The following PPARGC1A variants were observed in gnomAD, a reference collection of about 807,000 sequenced individuals.
The protein encoded by PPARGC1A is peroxisome proliferator-activated receptor gamma coactivator 1-alpha.
PPARGC1A carries 25 observed loss-of-function variants against 88.7 expected under a neutral mutation model. The observed-to-expected ratio is 0.28, with a 90% CI of 0.21 to 0.39. The LOEUF is 0.39. Ranked by LOEUF, PPARGC1A falls within the 10% of genes least tolerant of loss-of-function variation. The probability of loss-of-function intolerance (pLI) is 1.00; values close to 1 mark genes in which losing one functional copy is unlikely to be tolerated. For synonymous variants in PPARGC1A, 363 were observed against 355.6 expected, an observed-to-expected ratio of 1.02 and a Z score of -0.24; for missense variants, 880 against 968.7, an observed-to-expected ratio of 0.91 and a Z score of 1.22.
At chr4:24,270,274 A>T in the PPARGC1A span, among the ~76,000 whole-genome samples, 1 of 151,076 alleles carries the variant, frequency 6.6e-6, no homozygotes, top group Admixed American at 6.6e-5. Flanking sequence ...AGCCTTGACA[A>T]TCACATAAGT....
chr4:23,879,462 A>G (rs1454371220), intron 2 of PPARGC1A, among the ~76,000 whole-genome samples: 1 of 152,218 alleles, frequency 6.6e-6, no homozygotes, highest in African/African-American at 2.4e-5. Flanking sequence ...CCTAAAGGTG[A>G]GCAGAAACTT....
At chr4:23,833,879 C>T (rs1218755533) in intron 2 of PPARGC1A, among the ~76,000 whole-genome samples, 1 of 152,184 alleles carries the variant, frequency 6.6e-6, no homozygotes, top group African/African-American at 2.4e-5. Flanking sequence ...AACTTTAATG[C>T]ACTTGCAGGG....
the PPARGC1A span, among the ~76,000 whole-genome samples, chr4:24,443,483 G>A: frequency 2.0e-5 from 3 of 152,138 alleles, no homozygotes; most frequent in Admixed American, 1.3e-4. Flanking sequence ...GGTCATGGAG[G>A]CTGTGCAGAG....
At chr4:24,324,292 A>G in the PPARGC1A span, among the ~76,000 whole-genome samples, 2 of 151,550 alleles carry the variant, frequency 1.3e-5, no homozygotes, top group Non-Finnish European at 2.9e-5. Flanking sequence ...CTTCACCCTT[A>G]GCGGCAAGTC....
chr4:23,868,548 T>A (rs2148752355), intron 2 of PPARGC1A, among the ~76,000 whole-genome samples: 1 of 152,146 alleles, frequency 6.6e-6, no homozygotes, highest in East Asian at 1.9e-4. Flanking sequence ...GGTGATGAGG[T>A]CCCTCTTTCC....
At chr4:24,237,718 C>T in the PPARGC1A span, among the ~76,000 whole-genome samples, 3 of 152,184 alleles carry the variant, frequency 2.0e-5, no homozygotes, top group African/African-American at 7.2e-5. Flanking sequence ...TTCAGAAATA[C>T]TGAGGGGGCT....
the PPARGC1A span, among the ~76,000 whole-genome samples, chr4:23,951,059 G>T: frequency 1.3e-5 from 2 of 152,040 alleles, no homozygotes; most frequent in Admixed American, 6.6e-5. Flanking sequence ...ACTTATTGAC[G>T]ATTTGCTACA....
At chr4:24,346,174 C>A in the PPARGC1A span, among the ~76,000 whole-genome samples, 15 of 152,102 alleles carry the variant, frequency 9.9e-5, no homozygotes, top group Admixed American at 9.8e-4. Flanking sequence ...TTGTCAGATT[C>A]TGTTAGCTAG....
the PPARGC1A span, among the ~76,000 whole-genome samples, chr4:24,230,468 G>T: frequency 6.6e-6 from 1 of 152,188 alleles, no homozygotes; most frequent in African/African-American, 2.4e-5. Context: ...AGATGTGGTT[G>T]ACTCACCTAA....
the PPARGC1A span, among the ~76,000 whole-genome samples, chr4:24,089,480 TTTTTCTTTTCTTTTC>T: frequency 1.0e-4 from 13 of 128,800 alleles, no homozygotes; most frequent in Admixed American, 5.9e-4. Flanking sequence ...CTAGGATGCC[TTTTTCTTTTCTTTTC>T]TTTTCTTTTC....
At chr4:23,947,352 GATATATATATATATATAT>G in the PPARGC1A span, among the ~76,000 whole-genome samples, 6 of 75,888 alleles carry the variant, frequency 7.9e-5, no homozygotes, top group African/African-American at 3.6e-4. Flanking sequence ...GTTATATAGT[GATATATATATATATATAT>G]ATATATATAT....
the PPARGC1A span, among the ~76,000 whole-genome samples, chr4:24,468,170 C>T: frequency 1.3e-5 from 2 of 152,304 alleles, no homozygotes; most frequent in South Asian, 4.1e-4. Context: ...CAGTAATAAC[C>T]ACTCCACAGT....
the PPARGC1A span, among the ~76,000 whole-genome samples, chr4:24,049,306 G>GTGTGTA: frequency 3.8e-5 from 1 of 26,602 alleles, no homozygotes; most frequent in Admixed American, 7.0e-4. Context: ...ATATATATGT[G>GTGTGTA]TGTATATATA....
chr4:23,954,022 C>T, the PPARGC1A span, among the ~76,000 whole-genome samples: 864 of 152,028 alleles, frequency 5.7e-3, 43 homozygotes, highest in East Asian at 0.092. Flanking sequence ...ACTCACCTAA[C>T]CCCTTATACT....
At chr4:24,019,117 C>A in the PPARGC1A span, among the ~76,000 whole-genome samples, 1 of 152,138 alleles carries the variant, frequency 6.6e-6, no homozygotes, top group Non-Finnish European at 1.5e-5. Flanking sequence ...CCAAATAACA[C>A]AATAGCCCTT....
At chr4:24,263,885 G>A in the PPARGC1A span, among the ~76,000 whole-genome samples, 1 of 152,176 alleles carries the variant, frequency 6.6e-6, no homozygotes, top group Admixed American at 6.5e-5. Context: ...GAGTAGCTGG[G>A]ATTACATGTG....
chr4:24,217,945 A>G, the PPARGC1A span, among the ~76,000 whole-genome samples: 1 of 152,232 alleles, frequency 6.6e-6, no homozygotes, highest in African/African-American at 2.4e-5. Context: ...TATAAGAAAC[A>G]TGTAATATTT....
the PPARGC1A span, among the ~76,000 whole-genome samples, chr4:24,405,373 TGAGA>T: frequency 1.3e-5 from 2 of 152,110 alleles, no homozygotes; most frequent in African/African-American, 4.8e-5. Flanking sequence ...TTTAGTAACT[TGAGA>T]GAGAGAAGAG....
chr4:24,466,962 AAGAAAGAAAG>A, the PPARGC1A span, among the ~76,000 whole-genome samples: 27 of 116,186 alleles, frequency 2.3e-4, no homozygotes, highest in Admixed American at 4.5e-4. Flanking sequence ...AAAAGAAAGA[AAGAAAGAAAG>A]AGAAAGAAAG....
Sources: allele counts gnomAD v4.1 joint callset (sites outside exome capture counted in the v4.1 genomes callset), GRCh38; gene constraint gnomAD v4.1.1; transcripts MANE v1.5; gene names NCBI Gene and HGNC (gene_info 2026-07-23, HGNC 2026-07-21).